The following ARMC8 variants were observed in gnomAD, a reference collection of about 807,000 sequenced individuals.
ARMC8 encodes armadillo repeat containing 8.
A neutral mutation model predicts 99.3 loss-of-function variants in ARMC8; 20 were observed. That is an observed-to-expected ratio of 0.20 (90% CI 0.14 to 0.29). The LOEUF (loss-of-function observed/expected upper bound fraction) is 0.29, where lower values mean the gene tolerates loss of function less well. ARMC8 is among the 10% of genes least tolerant of loss of function. The probability of loss-of-function intolerance (pLI) is 1.00; values close to 1 mark genes in which losing one functional copy is unlikely to be tolerated. For missense variants in ARMC8, 569 were observed against 809.5 expected, an observed-to-expected ratio of 0.70 and a Z score of 3.60; for synonymous variants, 263 against 278.3, an observed-to-expected ratio of 0.95 and a Z score of 0.55.
At chr3:138,211,711 C>G (rs1433253414) in intron 2 of ARMC8, among the ~76,000 whole-genome samples, 4 of 152,122 alleles carry the variant, frequency 2.6e-5, no homozygotes, top group Non-Finnish European at 5.9e-5. Context: ...CTGTTATGGT[C>G]CCTTTCTAGT....
At chr3:138,249,298 G>A (rs989353288) in intron 12 of ARMC8, among the ~76,000 whole-genome samples, 1 of 151,730 alleles carries the variant, frequency 6.6e-6, no homozygotes. Flanking sequence ...TATAGTCAGG[G>A]GTTTCACTGT....
intron 11 of ARMC8, among the ~76,000 whole-genome samples, chr3:138,243,220 G>C (rs191413557): frequency 1.3e-4 from 20 of 152,288 alleles, no homozygotes; most frequent in African/African-American, 3.8e-4. Context: ...TAACTAGTAC[G>C]TAGATTATCC....
chr3:138,198,598 C>T lies in ARMC8; in HGVS notation c.45+10999C>T, dbSNP rs545125193. Among the ~76,000 whole-genome samples, 22 of 152,006 alleles carry T rather than the reference C, an allele frequency of 1.4e-4. No homozygotes were observed. The South Asian group carries it at 3.3e-3, about 23-fold the overall frequency. ...CACCGTCTCGGCTCACTGCAACCTC[C>T]GCCTCCCGGGTTCAAGTGATTCTCC... On this transcript the variant is annotated intron_variant, in intron 1 of 21. Transcript: ENST00000469044.
At chr3:138,217,120 G>C (rs1369159092) in intron 2 of ARMC8, among the ~76,000 whole-genome samples, 1 of 152,094 alleles carries the variant, frequency 6.6e-6, no homozygotes, top group Non-Finnish European at 1.5e-5. Flanking sequence ...CATCTAGTTG[G>C]TGTAAGTACA....
At chr3:138,274,223 G>A (rs2049051630) in intron 17 of ARMC8, among the ~76,000 whole-genome samples, 1 of 145,732 alleles carries the variant, frequency 6.9e-6, no homozygotes, top group Non-Finnish European at 1.5e-5. Context: ...TATGTGTAAT[G>A]TGTATATACA....
chr3:138,252,152 T>C (rs916383381), intron 12 of ARMC8, among the ~76,000 whole-genome samples: 1 of 152,236 alleles, frequency 6.6e-6, no homozygotes, highest in Non-Finnish European at 1.5e-5. Flanking sequence ...ACCTACATTA[T>C]AATTTTGTAG....
chr3:138,200,442 G>A (rs1179257955), intron 1 of ARMC8, among the ~76,000 whole-genome samples: 1 of 152,030 alleles, frequency 6.6e-6, no homozygotes, highest in Non-Finnish European at 1.5e-5. Flanking sequence ...CATTAAAATG[G>A]TACAAAACAT....
intron 19 of ARMC8, among the ~76,000 whole-genome samples, 169 bp downstream of exon 19, chr3:138,284,695 A>G (rs1417264571): frequency 1.3e-5 from 2 of 152,142 alleles, no homozygotes; most frequent in Non-Finnish European, 2.9e-5. Flanking sequence ...AAAAAACACC[A>G]ACTCCTTGAA....
intron 1 of ARMC8, among the ~76,000 whole-genome samples, chr3:138,202,763 C>G (rs1333968356): frequency 6.6e-6 from 1 of 152,164 alleles, no homozygotes; most frequent in Non-Finnish European, 1.5e-5. Flanking sequence ...ATAAAGAACA[C>G]TATATTTTGA....
intron 2 of ARMC8, among the ~76,000 whole-genome samples, chr3:138,220,176 T>C (rs2045314568): frequency 1.3e-5 from 2 of 152,196 alleles, no homozygotes; most frequent in Non-Finnish European, 2.9e-5. Context: ...GATTAGGAAC[T>C]AAAGCCTCTA....
chr3:138,241,887 A>G lies in ARMC8; in HGVS notation c.942A>G (p.Leu314=). Residue 314 remains leucine, a synonymous_variant, in exon 11 of 22, where the codon CTA becomes CTG. Transcript: ENST00000469044. ...ATCTGATTGAACCAGATGTTGAGCT[A>G]CAGAGAATCGCTAGCATAACTGATC... is the stretch of plus-strand genomic sequence containing the variant. ...LAYLIEPDVE[L]QRIASITDHL... The G allele has an allele frequency of 6.2e-7, 1 of 1,614,112 alleles. No homozygotes were observed.
At chr3:138,274,098 G>A (rs1403571710) in intron 17 of ARMC8, among the ~76,000 whole-genome samples, 3 of 152,232 alleles carry the variant, frequency 2.0e-5, no homozygotes, top group South Asian at 2.1e-4. Context: ...GATTACAGGC[G>A]TGAGCGTACC....
At chr3:138,188,913 T>G (rs1446269595) in intron 1 of ARMC8, among the ~76,000 whole-genome samples, 1 of 152,224 alleles carries the variant, frequency 6.6e-6, no homozygotes, top group East Asian at 1.9e-4. Flanking sequence ...GGAAATACTG[T>G]TTACCTAAGT....
At chr3:138,194,305 A>G (rs537555618) in intron 1 of ARMC8, among the ~76,000 whole-genome samples, 2 of 145,206 alleles carry the variant, frequency 1.4e-5, no homozygotes, top group Admixed American at 1.4e-4. Context: ...GGCCTCCCAA[A>G]ATGCTGGGAT....
rs371498886 is a variant in ARMC8, at chr3:138,232,726, AG to A, written c.529-2307del. On this transcript the variant is annotated intron_variant, in intron 6 of 21. Coordinates refer to ENST00000469044, the MANE Select transcript of ARMC8 (RefSeq NM_001363941.2). ...AGAAAAGGTTTAGAGCAGTGTATAT[AG>A]TATTCTACCATTTGTATTAAAATGG... 2.3e-3 allele frequency among the ~76,000 whole-genome samples: 357 copies of A among 152,376 alleles called. 1 individual carries two copies. The highest frequency in any genetic ancestry group is 0.017 in the Middle Eastern group (5 of 294).
At chr3:138,279,577 G>A (rs2049669061) in intron 18 of ARMC8, among the ~76,000 whole-genome samples, 1 of 151,896 alleles carries the variant, frequency 6.6e-6, no homozygotes. Context: ...GGAGGTGTTC[G>A]CTCTTCAATT....
intron 2 of ARMC8, among the ~76,000 whole-genome samples, chr3:138,216,279 T>G (rs1022892469): frequency 2.0e-5 from 3 of 152,222 alleles, no homozygotes; most frequent in African/African-American, 4.8e-5. Flanking sequence ...TTTTTCAGTT[T>G]ATACATGTAG....
At chr3:138,234,093 CT>C (rs369320033) in intron 6 of ARMC8, among the ~76,000 whole-genome samples, 453 of 151,922 alleles carry the variant, frequency 3.0e-3, no homozygotes, top group Non-Finnish European at 4.9e-3. Context: ...AGAACCAATA[CT>C]TTTTTGTTTT....
chr3:138,212,967 A>G (rs1399305300), intron 2 of ARMC8, among the ~76,000 whole-genome samples: 3 of 152,240 alleles, frequency 2.0e-5, no homozygotes, highest in Non-Finnish European at 4.4e-5. Flanking sequence ...GATTTTTCTC[A>G]ATAAATGTTG....
Sources: gnomAD v4.1 joint callset for allele counts (sites outside exome capture counted in the v4.1 genomes callset) on GRCh38, gnomAD v4.1.1 for gene constraint, MANE v1.5 for transcripts, NCBI Gene and HGNC (gene_info 2026-07-23, HGNC 2026-07-21) for gene names.